UBR1: variants seen among roughly 807,000 people sequenced by gnomAD.
UBR1 encodes ubiquitin protein ligase E3 component n-recognin 1, also known as E3 ubiquitin-protein ligase UBR1.
UBR1 carries 102 observed loss-of-function variants against 242.1 expected under a neutral mutation model. The ratio of observed to expected loss-of-function variants is 0.42; its 90% CI spans 0.36 to 0.50. The LOEUF (loss-of-function observed/expected upper bound fraction) is 0.50, where lower values mean the gene tolerates loss of function less well. Among genes scored for constraint, UBR1 ranks in the 20% least tolerant of loss-of-function variants. UBR1 has a pLI of 0.01. For missense variants in UBR1, 1,772 were observed against 2,101.8 expected (o/e 0.84, Z 3.07); for synonymous variants, 675 against 684.8 (o/e 0.99, Z 0.22).
At chr15:42,953,822 G>GA (rs2031872772) in intron 44 of UBR1, among the ~76,000 whole-genome samples, 1 of 151,584 alleles carries the variant, frequency 6.6e-6, no homozygotes, top group Admixed American at 6.6e-5. Context: ...GATCCTCATT[G>GA]TGATTAATAA....
rs1002569603 is a variant in UBR1, at chr15:43,081,413, A to C, written c.417+1225T>G. Among the ~76,000 whole-genome samples the C allele has an allele frequency of 6.2e-5, 6 of 96,374 alleles. No homozygotes were observed. In the South Asian group the frequency reaches 1.9e-3, roughly 30 times the overall value. The allele number at this position is 96,374 out of a possible 152,430, so 63.2% of individuals were successfully genotyped here. ...GCCTGGGAAATAACAGCGACACCCC[A>C]TCTCAAAAAAAAAAAAAAAAAAAAA... On this transcript the variant is annotated intron_variant, in intron 3 of 46. Coordinates refer to ENST00000290650, the MANE Select transcript of UBR1 (RefSeq NM_174916.3).
At chr15:42,976,064 G>GTT (rs1419227814) in intron 39 of UBR1, among the ~76,000 whole-genome samples, 1 of 152,116 alleles carries the variant, frequency 6.6e-6, no homozygotes, top group Non-Finnish European at 1.5e-5. Flanking sequence ...AAGAAAAACT[G>GTT]TATCATCATT....
At chr15:43,094,365 G>T (rs1056122518) in intron 1 of UBR1, among the ~76,000 whole-genome samples, 1 of 151,848 alleles carries the variant, frequency 6.6e-6, no homozygotes, top group African/African-American at 2.4e-5. Flanking sequence ...GGAGGCAGAG[G>T]TTGCAGTGAG....
At chr15:43,017,984 T>A (rs887185941) in intron 27 of UBR1, among the ~76,000 whole-genome samples, 9 of 151,712 alleles carry the variant, frequency 5.9e-5, no homozygotes, top group Non-Finnish European at 1.3e-4. Context: ...CGGAGACATT[T>A]CGACATTTCT....
At chr15:43,096,769 A>C (rs1371745497) in intron 1 of UBR1, among the ~76,000 whole-genome samples, 1 of 152,248 alleles carries the variant, frequency 6.6e-6, no homozygotes, top group Non-Finnish European at 1.5e-5. Flanking sequence ...ATGTGTTTAC[A>C]GCAATTCAGT....
chr15:43,026,518 A>C (rs2033179781), intron 23 of UBR1, 43 bp downstream of exon 23: 1 of 1,553,768 alleles, frequency 6.4e-7, no homozygotes, highest in Non-Finnish European at 8.9e-7. Flanking sequence ...TAGAAAGCAT[A>C]AAGCATTTAG....
intron 39 of UBR1, 147 bp from the exon 40 acceptor site, chr15:42,970,754 C>T (rs1243583220): frequency 1.3e-6 from 1 of 756,674 alleles, no homozygotes; most frequent in East Asian, 2.8e-5. Context: ...CAGAGTTTCG[C>T]TCTTGTTGCC....
chr15:43,062,319 A>G (rs2033698465), intron 6 of UBR1, among the ~76,000 whole-genome samples: 1 of 152,048 alleles, frequency 6.6e-6, no homozygotes, highest in East Asian at 1.9e-4. Flanking sequence ...TACTGTACAT[A>G]TATGTATATA....
At chr15:43,043,446 T>C in intron 14 of UBR1, 51 bp from the exon 15 acceptor site, 1 of 1,576,160 alleles carries the variant, frequency 6.3e-7, no homozygotes, top group Non-Finnish European at 8.7e-7. Context: ...ACTTTAACAC[T>C]TTTTTTGTTT....
At chr15:43,020,483 A>G (rs2033095231) in intron 27 of UBR1, among the ~76,000 whole-genome samples, 1 of 152,190 alleles carries the variant, frequency 6.6e-6, no homozygotes, top group African/African-American at 2.4e-5. Flanking sequence ...TGCTTATTTC[A>G]TATCAAGATT....
At chr15:42,946,975 C>T (rs931332190) in intron 46 of UBR1, among the ~76,000 whole-genome samples, 1 of 151,998 alleles carries the variant, frequency 6.6e-6, no homozygotes, top group African/African-American at 2.4e-5. Flanking sequence ...CAGTAAAACC[C>T]CGTCACTACT....
At chr15:42,963,782 T>C (rs1240796763) in intron 42 of UBR1, among the ~76,000 whole-genome samples, 153 bp downstream of exon 42, 2 of 151,462 alleles carry the variant, frequency 1.3e-5, no homozygotes, top group Admixed American at 1.3e-4. Flanking sequence ...GTTGATCTTA[T>C]CCCCACTTCT....
At chr15:42,999,045 A>C (rs2032683716) in intron 32 of UBR1, among the ~76,000 whole-genome samples, 1 of 149,960 alleles carries the variant, frequency 6.7e-6, no homozygotes, top group African/African-American at 2.5e-5. Context: ...GGTTCAAGCG[A>C]TTCTCCTGCC....
chr15:43,100,440 C>G (rs1596144967), intron 1 of UBR1, among the ~76,000 whole-genome samples: 1 of 152,168 alleles, frequency 6.6e-6, no homozygotes, highest in East Asian at 1.9e-4. Flanking sequence ...CCTCCATCCA[C>G]CAATCACTAC....
In UBR1 at chr15:43,021,291, A is replaced by T. The variant is rs1287101894; in HGVS notation, c.2924T>A (p.Ile975Lys). The T allele has an allele frequency of 6.3e-7, 1 of 1,594,754 alleles. No homozygotes were observed. The highest frequency in any genetic ancestry group is 1.3e-5 in the African/African-American group (1 of 74,554). ...IPQLEGQKDMITWILQMFDTV... is the reference protein window; with the variant it reads ...IPQLEGQKDMKTWILQMFDTV... ...TTAGTTTACCTGAAGTATCCACGTT[A>T]TCATGTCCTTCTGGCCTTCTAACTG... is the stretch of plus-strand genomic sequence containing the variant. The change falls in exon 27 of 47, where the codon ATA becomes AAA. Residue 975 changes from isoleucine to lysine, a missense_variant. Ile to Lys is a moderately radical substitution (Grantham distance 102, BLOSUM62 -3). Around this residue, in one of 3 missense-constraint regions of UBR1, gnomAD observed 965 missense variants for 1,079.7 expected, o/e 0.89. Transcript: ENST00000290650.
chr15:43,060,204 A>C, intron 6 of UBR1, 90 bp from the exon 7 acceptor site: 2 of 1,197,988 alleles, frequency 1.7e-6, no homozygotes, highest in South Asian at 1.2e-5. Context: ...TGAGCTCTTA[A>C]CTGAGCTCTA....
intron 46 of UBR1, among the ~76,000 whole-genome samples, chr15:42,949,857 T>A (rs189528571): frequency 4.2e-4 from 64 of 151,724 alleles, no homozygotes; most frequent in African/African-American, 1.5e-3. Context: ...TTACTTTTTT[T>A]TTTTTTTAGA....
intron 32 of UBR1, 42 bp from the exon 33 acceptor site, chr15:42,998,307 A>C (rs1198993287): frequency 1.3e-6 from 2 of 1,545,878 alleles, no homozygotes; most frequent in Non-Finnish European, 1.8e-6. Flanking sequence ...CATGGGTACA[A>C]AGTCAAATGG....
intron 5 of UBR1, among the ~76,000 whole-genome samples, chr15:43,069,438 A>G (rs1428928484): frequency 2.6e-5 from 4 of 151,962 alleles, no homozygotes; most frequent in African/African-American, 4.8e-5. Context: ...CATGATGCCC[A>G]GCTAATTTTT....
Sources: allele counts gnomAD v4.1 joint callset (sites outside exome capture counted in the v4.1 genomes callset), GRCh38; gene constraint gnomAD v4.1.1; regional missense constraint gnomAD v4.1.1; transcripts MANE v1.5; gene names NCBI Gene and HGNC (gene_info 2026-07-23, HGNC 2026-07-21).